Variants in SH3RF2 observed in about 807,000 individuals in gnomAD.
SH3RF2 encodes the protein E3 ubiquitin-protein ligase SH3RF2.
SH3RF2 carries 43 observed loss-of-function variants against 59.0 expected under a neutral mutation model. The ratio of observed to expected loss-of-function variants is 0.73; its 90% CI spans 0.57 to 0.94. SH3RF2 has a LOEUF of 0.94. Among genes scored for constraint, SH3RF2 ranks in the 40% least tolerant of loss-of-function variants. The pLI is 0.00. For missense variants in SH3RF2, 930 were observed against 940.1 expected (o/e 0.99, Z 0.14); for synonymous variants, 391 against 391.5 (o/e 1.00, Z 0.01).
chr5:145,991,298 T>G (rs1388152068), intron 2 of SH3RF2, among the ~76,000 whole-genome samples: 1 of 152,212 alleles, frequency 6.6e-6, no homozygotes, highest in Non-Finnish European at 1.5e-5. Context: ...AGGATAATAC[T>G]ATCTACTTCA....
intron 5 of SH3RF2, among the ~76,000 whole-genome samples, chr5:146,036,379 T>C (rs575329049): frequency 5.9e-5 from 9 of 152,066 alleles, no homozygotes; most frequent in Admixed American, 4.6e-4. Context: ...TAGTGAGACA[T>C]TGTCTCTACT....
intron 4 of SH3RF2, among the ~76,000 whole-genome samples, chr5:146,009,016 G>A (rs766181960): frequency 1.3e-5 from 2 of 152,150 alleles, no homozygotes; most frequent in Non-Finnish European, 2.9e-5. Context: ...GCCAGAGCTT[G>A]TTCATTCACC....
chr5:146,064,586 GGAGAGAGA>G (rs70998047), downstream of SH3RF2, among the ~76,000 whole-genome samples: 23,244 of 41,014 alleles, frequency 0.57, 6,153 homozygotes, highest in East Asian at 0.69. Context: ...GAAGGAAGGG[GGAGAGAGA>G]GAGAGAGAGA....
At chr5:146,070,486 G>A (rs529359729) in intron 9 of SH3RF2, among the ~76,000 whole-genome samples, 12 of 152,332 alleles carry the variant, frequency 7.9e-5, no homozygotes, top group Middle Eastern at 3.4e-3. Context: ...ACACAGCCAA[G>A]CCACTTGAAA....
At chr5:145,986,045 A>T (rs11960726) in intron 2 of SH3RF2, among the ~76,000 whole-genome samples, 6 of 148,380 alleles carry the variant, frequency 4.0e-5, no homozygotes, top group Admixed American at 4.0e-4. Context: ...AAATAAATAA[A>T]TGTCTGTTAT....
chr5:145,971,175 C>A (rs181862588), intron 2 of SH3RF2, among the ~76,000 whole-genome samples: 2 of 152,318 alleles, frequency 1.3e-5, no homozygotes, highest in Admixed American at 6.5e-5. Context: ...AACTTGAGAA[C>A]TCTGCAAGGA....
intron 7 of SH3RF2, among the ~76,000 whole-genome samples, chr5:146,049,898 C>T (rs1462289631): frequency 6.6e-6 from 1 of 152,134 alleles, no homozygotes; most frequent in Non-Finnish European, 1.5e-5. Flanking sequence ...GACCCCAAAA[C>T]TATCCATGAC....
intron 9 of SH3RF2, among the ~76,000 whole-genome samples, chr5:146,069,983 A>G (rs1270074633): frequency 4.1e-4 from 1 of 2,466 alleles, no homozygotes; most frequent in African/African-American, 4.8e-4. Context: ...ATGGAAACTG[A>G]AAAAAAAAAA....
chr5:145,955,383 A>G (rs1465208313), intron 2 of SH3RF2, among the ~76,000 whole-genome samples: 1 of 152,164 alleles, frequency 6.6e-6, no homozygotes, highest in Non-Finnish European at 1.5e-5. Context: ...GATGGCAACA[A>G]TAGACACTGG....
chr5:145,980,037 A>G (rs894344460), intron 2 of SH3RF2, among the ~76,000 whole-genome samples: 25 of 152,172 alleles, frequency 1.6e-4, no homozygotes, highest in African/African-American at 5.8e-4. Flanking sequence ...ATTGGGAGCT[A>G]TTATCATAAG....
chr5:146,043,390 G>T (rs181843234), intron 5 of SH3RF2, among the ~76,000 whole-genome samples: 1 of 151,434 alleles, frequency 6.6e-6, no homozygotes, highest in African/African-American at 2.5e-5. Context: ...CCTAATTCCA[G>T]ACCTCGAGCT....
At chr5:145,959,425 A>C (rs1369861905) in intron 2 of SH3RF2, among the ~76,000 whole-genome samples, 1 of 152,010 alleles carries the variant, frequency 6.6e-6, no homozygotes, top group Non-Finnish European at 1.5e-5. Context: ...TAGGCTGGAA[A>C]ATTTAGAGTA....
intron 2 of SH3RF2, among the ~76,000 whole-genome samples, chr5:145,983,207 A>C (rs28405052): frequency 0.13 from 19,085 of 149,448 alleles, 1,356 homozygotes; most frequent in East Asian, 0.25. Flanking sequence ...AAATAGGAGT[A>C]TTTATACCAG....
At chr5:146,018,869 T>A (rs752701942) in intron 5 of SH3RF2, among the ~76,000 whole-genome samples, 1 of 139,670 alleles carries the variant, frequency 7.2e-6, no homozygotes, top group Non-Finnish European at 1.6e-5. Context: ...TAACTTGCAT[T>A]TCCCTGATAA....
chr5:145,969,317 C>G (rs73312138), intron 2 of SH3RF2, among the ~76,000 whole-genome samples: 11,881 of 152,072 alleles, frequency 0.078, 1,574 homozygotes, highest in African/African-American at 0.27. Flanking sequence ...AATGTCATCA[C>G]CAAATAGACA....
In SH3RF2 at chr5:146,004,079, A is replaced by G; in HGVS notation, c.670A>G (p.Ser224Gly). The G allele has an allele frequency of 6.2e-7, 1 of 1,612,990 alleles. No homozygotes were observed. The highest frequency in any genetic ancestry group is 1.1e-5 in the South Asian group (1 of 91,036). ...FLKDDIITVI[S>G]RVDENWAEGK... Reference sequence around the variant, plus strand: ...TCAGGACGATATCATCACTGTGATCAGCCGAGTGGATGAGAACTGGGCAGA... The same window carrying G: ...TCAGGACGATATCATCACTGTGATCGGCCGAGTGGATGAGAACTGGGCAGA... The change falls in exon 4 of 10, where the codon AGC (serine) becomes GGC (glycine). Residue 224 changes from serine to glycine, a missense_variant. Physicochemically the swap from Ser to Gly is moderately conservative, Grantham distance 56. Transcript: ENST00000359120.
intron 5 of SH3RF2, among the ~76,000 whole-genome samples, chr5:146,037,024 C>A (rs991402101): frequency 6.6e-6 from 1 of 152,194 alleles, no homozygotes; most frequent in African/African-American, 2.4e-5. Flanking sequence ...TGAATCTTTC[C>A]TTCTTAAATC....
intron 7 of SH3RF2, among the ~76,000 whole-genome samples, chr5:146,055,198 C>T (rs972581007): frequency 1.3e-5 from 2 of 152,200 alleles, no homozygotes; most frequent in Non-Finnish European, 2.9e-5. Context: ...ACTTTTCCTG[C>T]CACCAAATGA....
At chr5:146,041,894 G>A (rs1032397085) in intron 5 of SH3RF2, among the ~76,000 whole-genome samples, 2 of 152,086 alleles carry the variant, frequency 1.3e-5, no homozygotes, top group African/African-American at 4.8e-5. Flanking sequence ...TTGCACCATG[G>A]CACTCTAGCC....
Sources: allele counts gnomAD v4.1 joint callset (sites outside exome capture counted in the v4.1 genomes callset), GRCh38; gene constraint gnomAD v4.1.1; transcripts MANE v1.5; gene names NCBI Gene and HGNC (gene_info 2026-07-23, HGNC 2026-07-21).